The following ELP3 variants were observed in gnomAD, a reference collection of about 807,000 sequenced individuals.
ELP3 encodes elongator acetyltransferase complex subunit 3, also known as elongator complex protein 3.
In ELP3, 56 loss-of-function variants were observed where a neutral mutation model predicts 74.9. The observed-to-expected ratio is 0.75, with a 90% CI of 0.60 to 0.93. ELP3 has a LOEUF of 0.93. Among genes scored for constraint, ELP3 ranks in the 40% least tolerant of loss-of-function variants. ELP3 has a pLI of 0.00. For missense variants in ELP3, 573 were observed against 686.5 expected (o/e 0.83, Z 1.85); for synonymous variants, 222 against 239.8 (o/e 0.93, Z 0.68).
intron 3 of ELP3, among the ~76,000 whole-genome samples, chr8:28,102,341 T>C (rs1302411481): frequency 6.6e-6 from 1 of 152,218 alleles, no homozygotes; most frequent in Non-Finnish European, 1.5e-5. Context: ...GCACTCAGTT[T>C]CCAAAAAATG....
At chr8:28,122,762 C>T (rs185599068) in intron 7 of ELP3, among the ~76,000 whole-genome samples, 11 of 152,238 alleles carry the variant, frequency 7.2e-5, no homozygotes, top group African/African-American at 2.4e-4. Context: ...ACTCTGTAGA[C>T]TTCTGCTTTT....
At chr8:28,098,933 G>T (rs1172457798) in intron 2 of ELP3, among the ~76,000 whole-genome samples, 1 of 152,176 alleles carries the variant, frequency 6.6e-6, no homozygotes, top group African/African-American at 2.4e-5. Flanking sequence ...GTTGGTATGT[G>T]TGTGTGTTTT....
chr8:28,117,552 A>G (rs532217394), intron 7 of ELP3, among the ~76,000 whole-genome samples: 1 of 152,310 alleles, frequency 6.6e-6, no homozygotes, highest in South Asian at 2.1e-4. Flanking sequence ...TTTTCAGATA[A>G]AAATTTATAT....
chr8:28,159,646 C>A (rs151119070), intron 12 of ELP3, among the ~76,000 whole-genome samples: 1 of 152,228 alleles, frequency 6.6e-6, no homozygotes, highest in South Asian at 2.1e-4. Context: ...AGCTTCCCCC[C>A]AGAAGCTACC....
intron 10 of ELP3, among the ~76,000 whole-genome samples, chr8:28,141,917 G>GA (rs1228361728): frequency 6.6e-6 from 1 of 152,170 alleles, no homozygotes; most frequent in East Asian, 1.9e-4. Context: ...CAGAAATACC[G>GA]AAAGTAACAA....
chr8:28,189,288 C>T (rs894105682), intron 14 of ELP3, among the ~76,000 whole-genome samples: 2 of 152,240 alleles, frequency 1.3e-5, no homozygotes, highest in African/African-American at 4.8e-5. Flanking sequence ...AGTAAATCCA[C>T]CTCTTCTCCT....
At chr8:28,094,438 G>T (rs1811170978) in intron 1 of ELP3, among the ~76,000 whole-genome samples, 1 of 152,186 alleles carries the variant, frequency 6.6e-6, no homozygotes, top group Non-Finnish European at 1.5e-5. Flanking sequence ...GTTGATCTTG[G>T]CCAGGCGCGG....
intron 7 of ELP3, among the ~76,000 whole-genome samples, chr8:28,115,856 C>T (rs550367265): frequency 1.3e-5 from 2 of 152,246 alleles, no homozygotes; most frequent in South Asian, 4.1e-4. Flanking sequence ...TTTCCTTGCC[C>T]TCCTTCCCTA....
intron 7 of ELP3, among the ~76,000 whole-genome samples, chr8:28,126,323 C>G (rs770616407): frequency 6.6e-6 from 1 of 152,100 alleles, no homozygotes; most frequent in Non-Finnish European, 1.5e-5. Flanking sequence ...TCTCTTCACC[C>G]CTGCTCCACA....
chr8:28,111,489 TG>T (rs1001909958), intron 6 of ELP3, among the ~76,000 whole-genome samples: 18 of 152,302 alleles, frequency 1.2e-4, no homozygotes, highest in Middle Eastern at 3.4e-3. Flanking sequence ...AAGTTGTCTC[TG>T]GGTTTGTTTA....
In ELP3 at chr8:28,189,767, G is replaced by A; in HGVS notation, c.*42G>A. 6.3e-7 allele frequency: 1 copy of A among 1,581,774 alleles called. No homozygotes were observed. Among genetic ancestry groups the A allele is most frequent in the African/African-American group, 1.3e-5 (1 of 74,372 alleles). ...CTCTTCTGCAGTATCCTCCCTGGCA[G>A]AACACGGAGAATCAGGATTTCTTAA... On this transcript the variant is annotated 3_prime_UTR_variant, in exon 15 of 15. Coordinates refer to ENST00000256398, the MANE Select transcript of ELP3 (RefSeq NM_018091.6).
chr8:28,154,388 A>T (rs1813750464), intron 10 of ELP3, among the ~76,000 whole-genome samples: 1 of 152,206 alleles, frequency 6.6e-6, no homozygotes, highest in Non-Finnish European at 1.5e-5. Flanking sequence ...TTTGTCATGT[A>T]ATGGGCGCTA....
chr8:28,101,289 G>A (rs898464635), intron 3 of ELP3, among the ~76,000 whole-genome samples: 2 of 151,714 alleles, frequency 1.3e-5, no homozygotes, highest in African/African-American at 4.8e-5. Context: ...GCGTTGTGGC[G>A]GGGGCCTGTA....
At chr8:28,115,005 G>A (rs1199476531) in intron 7 of ELP3, among the ~76,000 whole-genome samples, 1 of 152,124 alleles carries the variant, frequency 6.6e-6, no homozygotes, top group Non-Finnish European at 1.5e-5. Context: ...GATTGAGATG[G>A]GGGTAAGAGA....
chr8:28,113,880 A>G (rs957603124), intron 7 of ELP3: 1 of 152,240 alleles, frequency 6.6e-6, no homozygotes, highest in African/African-American at 2.4e-5. Flanking sequence ...CAATTTCAAC[A>G]TGAGTTTTAG....
chr8:28,181,020 G>T (rs1460312475), intron 14 of ELP3, among the ~76,000 whole-genome samples: 1 of 151,950 alleles, frequency 6.6e-6, no homozygotes, highest in Non-Finnish European at 1.5e-5. Flanking sequence ...CTGCCCCCAC[G>T]CCCCCAGTAT....
At chr8:28,135,153 CT>C (rs1187296224) in intron 9 of ELP3, among the ~76,000 whole-genome samples, 1 of 152,144 alleles carries the variant, frequency 6.6e-6, no homozygotes, top group Admixed American at 6.5e-5. Context: ...TGGTCTCGAA[CT>C]TCTGACCTCG....
chr8:28,158,050 CAAA>C (rs11323782), intron 11 of ELP3, among the ~76,000 whole-genome samples: 30,855 of 93,810 alleles, frequency 0.33, 3,134 homozygotes, highest in East Asian at 0.56. Context: ...GCCCTTCTTG[CAAA>C]AAAAAAAAAA....
Position 28,155,951 on chromosome 8 carries a change from A to C in ELP3, c.1110A>C (p.Pro370=). The change falls in exon 11 of 15, where the codon CCA becomes CCC. Residue 370 remains proline (P), a synonymous_variant. Transcript: ENST00000256398. ...TRVYRVQRDI[P]MPLVSSGVEH... ...TTTCTCCTGTGTACAGGGATATTCC[A>C]ATGCCTTTAGTTAGCTCAGGAGTAG... is the stretch of plus-strand genomic sequence containing the variant. 1 of 1,613,618 alleles carries C rather than the reference A, an allele frequency of 6.2e-7. No individual in the cohort carries two copies. Among genetic ancestry groups the C allele is most frequent in the Non-Finnish European group, 8.5e-7 (1 of 1,179,558 alleles).
Sources: allele counts gnomAD v4.1 joint callset (sites outside exome capture counted in the v4.1 genomes callset), GRCh38; gene constraint gnomAD v4.1.1; transcripts MANE v1.5; gene names NCBI Gene and HGNC (gene_info 2026-07-23, HGNC 2026-07-21).